Variants in COLEC10 observed in about 807,000 individuals in gnomAD.
The protein encoded by COLEC10 is collectin-10.
COLEC10 carries 22 observed loss-of-function variants against 28.4 expected under a neutral mutation model. The observed-to-expected ratio is 0.78, with a 90% confidence interval of 0.55 to 1.11. The LOEUF is 1.11. COLEC10 is among the 50% of genes least tolerant of loss of function. The probability of loss-of-function intolerance (pLI) is 0.00; values close to 1 mark genes in which losing one functional copy is unlikely to be tolerated. For synonymous variants in COLEC10, 125 were observed against 116.1 expected (o/e 1.08, Z -0.49); for missense variants, 361 against 344.1 (o/e 1.05, Z -0.39).
intron 1 of COLEC10, chr8:119,068,244 CA>C: frequency 6.6e-6 from 1 of 151,998 alleles, no homozygotes; most frequent in Middle Eastern, 3.4e-3. Context: ...AGTGTTTTTC[CA>C]AAAAACAAAA....
chr8:119,029,238 A>T (rs1251337309), intron 2 of COLEC10, among the ~76,000 whole-genome samples: 1 of 152,172 alleles, frequency 6.6e-6, no homozygotes, highest in Non-Finnish European at 1.5e-5. Context: ...CGGGAGTAAC[A>T]TCATCAGATT....
chr8:119,007,217 C>A (rs952424285), intron 1 of COLEC10, among the ~76,000 whole-genome samples: 1 of 152,048 alleles, frequency 6.6e-6, no homozygotes, highest in Non-Finnish European at 1.5e-5. Flanking sequence ...TTTGATATAG[C>A]CTGGCATACC....
At chr8:119,062,283 CA>C (rs1267484840), upstream of COLEC10, among the ~76,000 whole-genome samples, 2 of 151,658 alleles carry the variant, frequency 1.3e-5, no homozygotes, top group African/African-American at 4.8e-5. Flanking sequence ...AAATAAAAAC[CA>C]GAGTATCAGT....
intron 2 of COLEC10, among the ~76,000 whole-genome samples, chr8:119,058,889 TGAG>T (rs1456178782): frequency 5.3e-5 from 8 of 152,100 alleles, no homozygotes; most frequent in Admixed American, 5.2e-4. Flanking sequence ...CAAAAATGAA[TGAG>T]GGCTTCAATT....
At chr8:119,098,896 T>C (rs1397118794) in intron 3 of COLEC10, among the ~76,000 whole-genome samples, 2 of 152,106 alleles carry the variant, frequency 1.3e-5, no homozygotes, top group Non-Finnish European at 2.9e-5. Flanking sequence ...TGAAATTTAT[T>C]GTCCTCATTT....
the COLEC10 span, among the ~76,000 whole-genome samples, chr8:118,956,831 G>A: frequency 6.6e-6 from 1 of 152,004 alleles, no homozygotes; most frequent in Non-Finnish European, 1.5e-5. Flanking sequence ...TCTATACCTG[G>A]CTAATGAAGA....
At chr8:119,083,816 G>A (rs1351206603) in intron 1 of COLEC10, among the ~76,000 whole-genome samples, 9 of 151,976 alleles carry the variant, frequency 5.9e-5, no homozygotes, top group Non-Finnish European at 1.3e-4. Flanking sequence ...ACGTTAAAAT[G>A]TAAGTATAAA....
At chr8:119,079,905 C>T (rs1375515773) in intron 1 of COLEC10, among the ~76,000 whole-genome samples, 2 of 152,012 alleles carry the variant, frequency 1.3e-5, no homozygotes, top group East Asian at 3.9e-4. Context: ...CTCTAGTAAG[C>T]ACCCCATAAA....
At chr8:119,022,256 A>T (rs1312092946) in intron 2 of COLEC10, among the ~76,000 whole-genome samples, 1 of 152,160 alleles carries the variant, frequency 6.6e-6, no homozygotes, top group Non-Finnish European at 1.5e-5. Flanking sequence ...CAGATCATTT[A>T]AGGAGGGCAA....
At chr8:119,049,246 T>A (rs1814634375) in intron 2 of COLEC10, among the ~76,000 whole-genome samples, 1 of 152,084 alleles carries the variant, frequency 6.6e-6, no homozygotes, top group Admixed American at 6.5e-5. Context: ...ACTTGATCTT[T>A]CTCTCTAGCT....
chr8:118,965,813 G>A, the COLEC10 span, among the ~76,000 whole-genome samples: 1 of 151,990 alleles, frequency 6.6e-6, no homozygotes, highest in Non-Finnish European at 1.5e-5. Flanking sequence ...TTTTGATTGT[G>A]GAATCATTAT....
chr8:119,044,843 C>T (rs1321720463), intron 2 of COLEC10, among the ~76,000 whole-genome samples: 1 of 109,686 alleles, frequency 9.1e-6, no homozygotes, highest in Non-Finnish European at 2.0e-5. Flanking sequence ...AGACTGTCTC[C>T]AAAAAAAAAA....
intron 2 of COLEC10, among the ~76,000 whole-genome samples, chr8:119,049,016 T>C (rs1814631232): frequency 6.6e-6 from 1 of 152,196 alleles, no homozygotes; most frequent in African/African-American, 2.4e-5. Flanking sequence ...GGACCTCTTA[T>C]AAGGCTGGTC....
the COLEC10 span, among the ~76,000 whole-genome samples, chr8:118,985,635 G>A: frequency 6.6e-6 from 1 of 151,976 alleles, no homozygotes; most frequent in Non-Finnish European, 1.5e-5. Context: ...TCCCTCTCTT[G>A]GTCCCCAGAT....
intron 1 of COLEC10, among the ~76,000 whole-genome samples, chr8:119,072,237 A>G (rs561905695): frequency 4.6e-5 from 7 of 151,786 alleles, no homozygotes; most frequent in African/African-American, 7.3e-5. Context: ...ACCACATCCA[A>G]TGGGGTGACA....
At chr8:119,070,456 T>G (rs202188663) in intron 1 of COLEC10, among the ~76,000 whole-genome samples, 3,181 of 135,414 alleles carry the variant, frequency 0.023, 190 homozygotes, top group East Asian at 0.17. Flanking sequence ...GCTCTCTCTC[T>G]CTCTCTCTCT....
At chr8:119,001,153 G>A (rs1813692298) in intron 1 of COLEC10, among the ~76,000 whole-genome samples, 1 of 152,088 alleles carries the variant, frequency 6.6e-6, no homozygotes, top group African/African-American at 2.4e-5. Context: ...ATGATATTGA[G>A]GATGCTAATC....
chr8:119,046,492 G>A (rs1040436339), intron 2 of COLEC10, among the ~76,000 whole-genome samples: 1 of 152,128 alleles, frequency 6.6e-6, no homozygotes, highest in African/African-American at 2.4e-5. Flanking sequence ...TAAATGTACA[G>A]TAAATTGAAA....
intron 2 of COLEC10, among the ~76,000 whole-genome samples, chr8:119,040,503 C>T (rs1402910997): frequency 6.6e-6 from 1 of 152,064 alleles, no homozygotes. Context: ...CAGCCCATCC[C>T]TCCTAGATTT....
Sources: allele counts gnomAD v4.1 joint callset (sites outside exome capture counted in the v4.1 genomes callset), GRCh38; gene constraint gnomAD v4.1.1; transcripts MANE v1.5; gene names NCBI Gene and HGNC (gene_info 2026-07-23, HGNC 2026-07-21).